ELAPOR2: variants seen among roughly 807,000 people sequenced by gnomAD.
ELAPOR2 encodes the protein endosome/lysosome-associated apoptosis and autophagy regulator family member 2.
In ELAPOR2, 89 loss-of-function variants were observed where a neutral mutation model predicts 120.7. That is an observed-to-expected ratio of 0.74 (90% confidence interval 0.62 to 0.88). The LOEUF (loss-of-function observed/expected upper bound fraction) is 0.88. Among genes scored for constraint, ELAPOR2 ranks in the 40% least tolerant of loss-of-function variants. The pLI, the probability that ELAPOR2 is intolerant of heterozygous loss-of-function variation, is 0.00. For synonymous variants in ELAPOR2, 444 were observed against 444.9 expected, an observed-to-expected ratio of 1.00 and a Z score of 0.03; for missense variants, 1,134 against 1,251.6, an observed-to-expected ratio of 0.91 and a Z score of 1.42.
At chr7:86,909,103 T>C (rs77135328) in intron 16 of ELAPOR2, among the ~76,000 whole-genome samples, 5,688 of 151,936 alleles carry the variant, frequency 0.037, 364 homozygotes, top group African/African-American at 0.13. Context: ...CAAACTTTGC[T>C]TCAGAGTTCC....
intron 5 of ELAPOR2, 83 bp downstream of exon 5, chr7:86,941,935 G>A (rs1441711048): frequency 1.4e-6 from 1 of 720,358 alleles, no homozygotes; most frequent in Non-Finnish European, 2.4e-6. Context: ...GAAAGGAAGG[G>A]GAAGTTGGGA....
chr7:86,944,394 C>A (rs919512191), intron 4 of ELAPOR2, among the ~76,000 whole-genome samples: 5 of 151,832 alleles, frequency 3.3e-5, no homozygotes, highest in African/African-American at 1.2e-4. Context: ...ACTAAATTCA[C>A]AGAATCAGAA....
Position 86,943,300 on chromosome 7 carries a change from T to TA in ELAPOR2, c.655-1197_655-1196insT, listed in dbSNP as rs1248822358. The stretch of plus-strand genomic sequence containing the variant: ...CTCTAGGCTTCAGCTTCATCATCAT[T>TA]TAAAAAAAAAAATAGAAGGGCTGAA... On this transcript the variant is annotated intron_variant, in intron 4 of 21. Coordinates refer to ENST00000450689, the MANE Select transcript of ELAPOR2 (RefSeq NM_001142749.3). Among the ~76,000 whole-genome samples, 909 of 93,146 alleles carry TA rather than the reference T, an allele frequency of 9.8e-3. 11 individuals carry two copies. The highest frequency in any genetic ancestry group is 0.06 in the African/African-American group (864 of 14,290). The allele number at this position is 93,146 out of a possible 152,430, so 61.1% of individuals were successfully genotyped here. A position where few individuals can be genotyped will look rare whatever the true frequency, so the allele number is the denominator to read the frequency against.
At position 86,892,914 on chromosome 7, in the gene ELAPOR2, G is replaced by A. The variant is rs1225090093; in HGVS notation, c.2864+8C>T. ...AGCTCTCTTGTGATCATCTCAGAGG[G>A]TACTTACTTTTGATTCTTTTTCCAG... On this transcript the variant is annotated splice_region_variant and intron_variant, in intron 20 of 21. Transcript: ENST00000450689. 3.9e-6 allele frequency: 6 copies of A among 1,525,926 alleles called. No homozygotes were observed. Among genetic ancestry groups the A allele is most frequent in the Non-Finnish European group, 5.2e-6 (6 of 1,148,406 alleles). The allele number at this position is 1,525,926 out of a possible 1,614,324, so 94.5% of individuals were successfully genotyped here. A position where few individuals can be genotyped will look rare whatever the true frequency, so the allele number is the denominator to read the frequency against.
chr7:86,973,309 G>A (rs1583929869), intron 1 of ELAPOR2, among the ~76,000 whole-genome samples: 1 of 152,072 alleles, frequency 6.6e-6, no homozygotes, highest in African/African-American at 2.4e-5. Context: ...ATTCATATAT[G>A]AAATATTGAA....
rs151266637 is a variant in ELAPOR2, at chr7:86,891,775, T to C, written c.2979A>G (p.Val993=). The part of the protein sequence containing the change: ...MEGEDNEEEV[V]YSNKQSLLGK... ...CTAGTAGTGACTGTTTATTGGAATA[T>C]ACAACTTCCTCTTCATTATCTTCTC... is the stretch of plus-strand genomic sequence containing the variant. Residue 993 remains valine (V), a synonymous_variant, in exon 21 of 22, where the codon GTA becomes GTG. Coordinates refer to ENST00000450689, the MANE Select transcript of ELAPOR2 (RefSeq NM_001142749.3). 1.9e-6 allele frequency: 3 copies of C among 1,612,308 alleles called. No homozygotes were observed. The highest frequency in any genetic ancestry group is 2.5e-6 in the Non-Finnish European group (3 of 1,178,844).
chr7:86,958,659 C>T (rs1028979607), intron 2 of ELAPOR2, among the ~76,000 whole-genome samples: 4 of 152,164 alleles, frequency 2.6e-5, no homozygotes, highest in Admixed American at 2.6e-4. Flanking sequence ...TTGGCACCTT[C>T]ATCCTGTTTC....
At chr7:87,043,361 A>G (rs1584036668) in intron 1 of ELAPOR2, among the ~76,000 whole-genome samples, 1 of 151,042 alleles carries the variant, frequency 6.6e-6, no homozygotes, top group African/African-American at 2.4e-5. Context: ...AAAAATCCTC[A>G]ATAAAATACT....
At chr7:87,051,022 C>T (rs1486702603) in intron 1 of ELAPOR2, among the ~76,000 whole-genome samples, 1 of 152,178 alleles carries the variant, frequency 6.6e-6, no homozygotes, top group African/African-American at 2.4e-5. Flanking sequence ...GGTACTTATA[C>T]AAGTGGTGAC....
intron 1 of ELAPOR2, among the ~76,000 whole-genome samples, chr7:86,976,813 G>C (rs567236502): frequency 3.9e-5 from 6 of 152,128 alleles, no homozygotes; most frequent in Non-Finnish European, 8.8e-5. Flanking sequence ...TCCGACTAAT[G>C]CTCCAGAGAA....
intron 2 of ELAPOR2, among the ~76,000 whole-genome samples, chr7:86,962,618 CG>C (rs544045864): frequency 5.9e-5 from 9 of 152,208 alleles, no homozygotes; most frequent in African/African-American, 2.2e-4. Context: ...CTAGACCTGC[CG>C]CATCCGGGCT....
chr7:87,041,821 T>A (rs1237827756), intron 1 of ELAPOR2, among the ~76,000 whole-genome samples: 3 of 151,824 alleles, frequency 2.0e-5, no homozygotes, highest in African/African-American at 2.4e-5. Flanking sequence ...ACTGGCAAAC[T>A]GGATAAAGAG....
chr7:86,948,037 A>G (rs1791078407), intron 2 of ELAPOR2, 115 bp from the exon 3 acceptor site: 5 of 707,382 alleles, frequency 7.1e-6, no homozygotes, highest in Non-Finnish European at 4.6e-6. Context: ...CTCAAACGAA[A>G]GCCTTTCAAA....
chr7:86,914,937 G>T, intron 12 of ELAPOR2, 77 bp from the exon 13 acceptor site: 1 of 1,099,142 alleles, frequency 9.1e-7, no homozygotes, highest in Non-Finnish European at 1.3e-6. Context: ...TATTACAAAT[G>T]TATTCATATT....
chr7:86,880,682 A>G, intron 21 of ELAPOR2, 152 bp from the exon 22 acceptor site: 1 of 610,524 alleles, frequency 1.6e-6, no homozygotes, highest in Non-Finnish European at 2.9e-6. Flanking sequence ...TGGGTGGCAG[A>G]TATAAAACAA....
intron 12 of ELAPOR2, among the ~76,000 whole-genome samples, chr7:86,915,697 C>T (rs78232808): frequency 0.039 from 5,768 of 148,676 alleles, 381 homozygotes; most frequent in African/African-American, 0.14. Context: ...TCTGGGATGC[C>T]GGCAATAAGG....
chr7:86,914,658 T>C (rs917874971), intron 13 of ELAPOR2, 65 bp downstream of exon 13: 6 of 1,359,334 alleles, frequency 4.4e-6, no homozygotes, highest in Non-Finnish European at 6.0e-6. Context: ...TCACTTTGTA[T>C]GCATCTCCAC....
chr7:86,918,755 A>G (rs534717005), intron 11 of ELAPOR2, among the ~76,000 whole-genome samples: 24 of 152,226 alleles, frequency 1.6e-4, no homozygotes, highest in Admixed American at 1.4e-3. Context: ...AATATGCTTG[A>G]ACCTCTTGCT....
chr7:86,941,900 A>G (rs1158583250), intron 5 of ELAPOR2, 118 bp downstream of exon 5: 6 of 600,222 alleles, frequency 1.0e-5, no homozygotes, highest in African/African-American at 9.4e-5. Context: ...TTTTTTCTTA[A>G]AATATACTTT....
Sources: allele counts gnomAD v4.1 joint callset (sites outside exome capture counted in the v4.1 genomes callset), GRCh38; gene constraint gnomAD v4.1.1; transcripts MANE v1.5; gene names NCBI Gene and HGNC (gene_info 2026-07-23, HGNC 2026-07-21).